Variants in MAPK10 observed in about 807,000 individuals in gnomAD.
MAPK10 encodes the protein JNK3 alpha protein kinase.
MAPK10 carries 25 observed loss-of-function variants against 59.3 expected under a neutral mutation model. The observed-to-expected ratio is 0.42, with a 90% CI of 0.31 to 0.59. The LOEUF (loss-of-function observed/expected upper bound fraction) is 0.59. Among genes scored for constraint, MAPK10 ranks in the 20% least tolerant of loss-of-function variants. The probability of loss-of-function intolerance (pLI) is 0.15; values close to 1 mark genes in which losing one functional copy is unlikely to be tolerated. For missense variants in MAPK10, 351 were observed against 568.9 expected, an observed-to-expected ratio of 0.62 and a Z score of 3.90; for synonymous variants, 190 against 200.5, an observed-to-expected ratio of 0.95 and a Z score of 0.44.
upstream of MAPK10, among the ~76,000 whole-genome samples, chr4:86,456,773 T>C (rs375186518): frequency 3.9e-5 from 6 of 152,198 alleles, no homozygotes; most frequent in East Asian, 1.9e-4. Context: ...TTCCACAAGA[T>C]AGAGAAAAAG....
Position 86,359,823 on chromosome 4 carries a change from A to C in MAPK10, c.-287T>G. On this transcript the variant is annotated 5_prime_UTR_variant, in exon 1 of 14. The change creates a new upstream start codon in the 5' untranslated region. Coordinates refer to ENST00000641462, the MANE Select transcript of MAPK10 (RefSeq NM_138982.4). ...GGACAGGTGATTTCCAAGAAAACCC[A>C]ATCTTAAACTCACTCAAGCCCCTAG... 1 of 985,806 alleles carries C rather than the reference A, an allele frequency of 1.0e-6. No homozygotes were observed. Among genetic ancestry groups the C allele is most frequent in the Non-Finnish European group, 1.2e-6 (1 of 829,920 alleles). 61.1% of individuals were successfully genotyped at this position (985,806 alleles called of 1,614,324 possible).
intron 2 of MAPK10, among the ~76,000 whole-genome samples, chr4:86,296,175 CAAA>C (rs34854999): frequency 5.2e-5 from 6 of 116,256 alleles, no homozygotes; most frequent in Admixed American, 8.8e-5. Flanking sequence ...GACTTGGTCT[CAAA>C]AAAAAAAAAA....
chr4:86,342,916 C>A (rs1397904901), intron 2 of MAPK10, among the ~76,000 whole-genome samples: 1 of 152,098 alleles, frequency 6.6e-6, no homozygotes, highest in African/African-American at 2.4e-5. Context: ...TTTTCTTAAA[C>A]CAGTTTAGAA....
chr4:86,044,651 T>A (rs558445288), intron 11 of MAPK10: 1 of 396,818 alleles, frequency 2.5e-6, no homozygotes, highest in Non-Finnish European at 4.4e-6. Context: ...AATTTGTGAA[T>A]TGTAATCAAA....
Position 86,061,368 on chromosome 4 carries a change from CTT to C in MAPK10, c.1110+2896_1110+2897del, listed in dbSNP as rs577875480. Among the ~76,000 whole-genome samples, 34 of 152,234 alleles carry C rather than the reference CTT, an allele frequency of 2.2e-4. No individual in the cohort carries two copies. The East Asian group carries it at 6.2e-3, about 28-fold the overall frequency. Reference sequence around the variant, plus strand: ...TTGTGTGTTCTACTTTGAAATCACACTTTGTTACTCTAAACATTATTTGAATA... The same window carrying C: ...TTGTGTGTTCTACTTTGAAATCACACTGTTACTCTAAACATTATTTGAATA... On this transcript the variant is annotated intron_variant, in intron 11 of 13. Coordinates refer to ENST00000641462, the MANE Select transcript of MAPK10 (RefSeq NM_138982.4).
At chr4:86,225,718 T>C (rs987180931) in intron 2 of MAPK10, among the ~76,000 whole-genome samples, 8 of 152,182 alleles carry the variant, frequency 5.3e-5, no homozygotes, top group Non-Finnish European at 8.8e-5. Flanking sequence ...AGCTTTATGC[T>C]CAATAGGTAC....
intron 1 of MAPK10, among the ~76,000 whole-genome samples, chr4:86,446,226 A>T (rs1244648810): frequency 1.3e-5 from 2 of 152,162 alleles, no homozygotes; most frequent in Non-Finnish European, 2.9e-5. Flanking sequence ...GATTTGGATT[A>T]GCTGTAAATG....
chr4:86,411,262 G>C (rs1745137341), intron 1 of MAPK10, among the ~76,000 whole-genome samples: 1 of 152,184 alleles, frequency 6.6e-6, no homozygotes, highest in African/African-American at 2.4e-5. Context: ...TGTGGTGTGA[G>C]AGACTTCTTT....
intron 2 of MAPK10, among the ~76,000 whole-genome samples, chr4:86,274,656 T>C (rs891321027): frequency 1.3e-5 from 2 of 152,014 alleles, no homozygotes; most frequent in African/African-American, 4.8e-5. Context: ...TCCTTAATTC[T>C]ATTGTTCAGC....
intron 2 of MAPK10, among the ~76,000 whole-genome samples, chr4:86,346,603 G>A (rs867575929): frequency 2.0e-5 from 3 of 151,868 alleles, no homozygotes; most frequent in African/African-American, 4.8e-5. Context: ...TGGTATATCC[G>A]GGACCTCAGG....
rs182234812 is a variant in MAPK10 at position 86,478,852 on chromosome 4, C to A, written c.-263+115058G>T. 1.2e-3 allele frequency among the ~76,000 whole-genome samples: 185 copies of A among 152,302 alleles called. 1 individual carries two copies. The highest frequency in any genetic ancestry group is 2.2e-3 in the Non-Finnish European group (150 of 68,030). Reference sequence around the variant, plus strand: ...TGCTATAGTTCAAGCCACTAGCCTGCCTCTTAGAACCTCTGATTTCCTTTC... The same window carrying A: ...TGCTATAGTTCAAGCCACTAGCCTGACTCTTAGAACCTCTGATTTCCTTTC... On this transcript the variant is annotated intron_variant, in intron 1 of 4. Transcript: ENST00000502302.
intron 1 of MAPK10, among the ~76,000 whole-genome samples, chr4:86,468,166 A>G (rs976888316): frequency 6.6e-6 from 1 of 152,182 alleles, no homozygotes; most frequent in Non-Finnish European, 1.5e-5. Context: ...TCTCTAACCT[A>G]CTATCTGATA....
At chr4:86,282,929 T>C (rs2094867371) in intron 2 of MAPK10, among the ~76,000 whole-genome samples, 1 of 152,178 alleles carries the variant, frequency 6.6e-6, no homozygotes, top group Admixed American at 6.6e-5. Flanking sequence ...ATAAAGACAA[T>C]GAACATGCAT....
At chr4:86,327,587 T>A (rs750941165) in intron 2 of MAPK10, 2 of 151,690 alleles carry the variant, frequency 1.3e-5, no homozygotes, top group African/African-American at 2.4e-5. Context: ...AAGGGCAACA[T>A]TATTTCAATA....
intron 12 of MAPK10, among the ~76,000 whole-genome samples, chr4:86,030,738 T>G (rs1202181328): frequency 6.6e-6 from 1 of 152,208 alleles, no homozygotes; most frequent in Non-Finnish European, 1.5e-5. Flanking sequence ...TAATTTACAC[T>G]TATTAATTCC....
chr4:86,136,340 G>A (rs1280045837), intron 4 of MAPK10, among the ~76,000 whole-genome samples: 1 of 152,126 alleles, frequency 6.6e-6, no homozygotes, highest in African/African-American at 2.4e-5. Context: ...GGATCTCTCA[G>A]CAGAAACCCT....
intron 1 of MAPK10, among the ~76,000 whole-genome samples, chr4:86,462,260 C>G (rs975573606): frequency 6.6e-6 from 1 of 152,160 alleles, no homozygotes; most frequent in Non-Finnish European, 1.5e-5. Flanking sequence ...GGTACAAGTA[C>G]AAAGAGGAGT....
chr4:86,507,635 T>G lies in MAPK10; in HGVS notation c.-263+86275A>C, dbSNP rs867887525. ...CTGGAGATATATATATATATATATA[T>G]ATATATATATATATATATATATATA... On this transcript the variant is annotated intron_variant, in intron 1 of 4. Coordinates refer to the MAPK10 transcript ENST00000502302. Among the ~76,000 whole-genome samples, 57 of 70,140 alleles carry G rather than the reference T, an allele frequency of 8.1e-4. 2 individuals carry two copies. The highest frequency in any genetic ancestry group is 2.5e-3 in the African/African-American group (42 of 16,952). 46.0% of individuals were successfully genotyped at this position (70,140 alleles called of 152,430 possible).
At chr4:86,550,411 A>AAAAAAAACC (rs1467490853) in intron 1 of MAPK10, among the ~76,000 whole-genome samples, 1 of 136,132 alleles carries the variant, frequency 7.3e-6, no homozygotes, top group Non-Finnish European at 1.6e-5. Context: ...AAAAAAAAAA[A>AAAAAAAACC]CTCCAGGCCA....
Sources: allele counts gnomAD v4.1 joint callset (sites outside exome capture counted in the v4.1 genomes callset), GRCh38; gene constraint gnomAD v4.1.1; transcripts MANE v1.5; gene names NCBI Gene and HGNC (gene_info 2026-07-23, HGNC 2026-07-21).